BTBD16: variants seen among roughly 807,000 people sequenced by gnomAD.
BTBD16 encodes BTB/POZ domain-containing protein 16.
BTBD16 carries 66 observed loss-of-function variants against 67.4 expected under a neutral mutation model. The ratio of observed to expected loss-of-function variants is 0.98; its 90% CI spans 0.80 to 1.20. The LOEUF (loss-of-function observed/expected upper bound fraction) is 1.20, where lower values mean the gene tolerates loss of function less well. Ranked by LOEUF, BTBD16 falls within the 50% of genes most tolerant of loss-of-function variation. BTBD16 has a pLI of 0.00. For missense variants in BTBD16, 634 were observed against 616.0 expected, an observed-to-expected ratio of 1.03 and a Z score of -0.31; for synonymous variants, 242 against 236.4, an observed-to-expected ratio of 1.02 and a Z score of -0.22.
At chr10:122,335,068 T>A in intron 14 of BTBD16, 89 bp downstream of exon 14, 1 of 659,886 alleles carries the variant, frequency 1.5e-6, no homozygotes, top group Non-Finnish European at 2.6e-6. Flanking sequence ...AATTGATTCA[T>A]CATTAATTAC....
intron 1 of BTBD16, among the ~76,000 whole-genome samples, chr10:122,273,479 C>A (rs1464595161): frequency 1.3e-5 from 2 of 152,142 alleles, no homozygotes; most frequent in Non-Finnish European, 1.5e-5. Flanking sequence ...GTGTCTCATG[C>A]CCATAATCCT....
intron 10 of BTBD16, among the ~76,000 whole-genome samples, chr10:122,313,257 G>GTTTTTT (rs58984425): frequency 7.2e-5 from 10 of 139,136 alleles, no homozygotes; most frequent in Non-Finnish European, 1.1e-4. Flanking sequence ...AGTTAGTGCT[G>GTTTTTT]TTTTTTTTTT....
chr10:122,337,152 T>C (rs981200867), intron 15 of BTBD16, among the ~76,000 whole-genome samples: 1 of 152,190 alleles, frequency 6.6e-6, no homozygotes, highest in Non-Finnish European at 1.5e-5. Flanking sequence ...CTGGCCTGGC[T>C]TCTGACCAGA....
intron 2 of BTBD16, 41 bp from the exon 3 acceptor site, chr10:122,276,750 T>TA (rs2096341351): frequency 1.3e-6 from 2 of 1,595,122 alleles, no homozygotes; most frequent in South Asian, 2.2e-5. Flanking sequence ...TATGTGAAGT[T>TA]AGAAAAAAAG....
chr10:122,288,690 T>G (rs760456361), intron 5 of BTBD16, among the ~76,000 whole-genome samples: 2 of 151,920 alleles, frequency 1.3e-5, no homozygotes, highest in Non-Finnish European at 2.9e-5. Flanking sequence ...GTGGTCAAAT[T>G]AGTCTCTGAA....
chr10:122,328,586 A>C (rs2096449439), intron 10 of BTBD16, among the ~76,000 whole-genome samples: 1 of 152,222 alleles, frequency 6.6e-6, no homozygotes, highest in Non-Finnish European at 1.5e-5. Context: ...CAGCTGGGAC[A>C]GGGTGTGACT....
chr10:122,294,200 G>A (rs2096379052), intron 7 of BTBD16: 1 of 985,354 alleles, frequency 1.0e-6, no homozygotes, highest in Admixed American at 6.1e-5. Flanking sequence ...TGATGGCGCA[G>A]TTGGCAGGGT....
At chr10:122,292,751 G>GTCCAACAGTC (rs1197238037) in intron 7 of BTBD16, among the ~76,000 whole-genome samples, 1 of 152,204 alleles carries the variant, frequency 6.6e-6, no homozygotes, top group Admixed American at 6.5e-5. Context: ...AAAGTCTCCT[G>GTCCAACAGTC]TCCAACAGTC....
Position 122,286,163 on chromosome 10 carries a change from G to A in BTBD16, c.300G>A (p.Gln100=), listed in dbSNP as rs1335225534. The change falls in exon 5 of 16, where the codon CAG becomes CAA. Residue 100 remains glutamine, a synonymous_variant. Coordinates refer to ENST00000260723, the MANE Select transcript of BTBD16 (RefSeq NM_144587.5). The part of the protein sequence containing the change: ...KWELHQPQLF[Q]SETLAKLYLK... ...AGCTCCATCAGCCCCAGCTTTTTCA[G>A]TCTGAGACCTTGGCCAAGCTCTACC... is the stretch of plus-strand genomic sequence containing the variant. 1 of 1,614,030 alleles carries A rather than the reference G, an allele frequency of 6.2e-7. No individual in the cohort carries two copies. Among genetic ancestry groups the A allele is most frequent in the Non-Finnish European group, 8.5e-7 (1 of 1,179,908 alleles).
chr10:122,310,383 C>T lies in BTBD16; in HGVS notation c.911+3075C>T, dbSNP rs1003905310. Among the ~76,000 whole-genome samples the T allele has an allele frequency of 1.1e-4, 17 of 152,282 alleles. 1 individual carries two copies. Among genetic ancestry groups the T allele is most frequent in the East Asian group, 3.9e-4 (2 of 5,154 alleles). ...TCCCCAGGGCTGACCAGCAACAGTGCGGAGGCTTTGTAGCTGCTGGCCTAG... is the reference window on the plus strand; with the variant it reads ...TCCCCAGGGCTGACCAGCAACAGTGTGGAGGCTTTGTAGCTGCTGGCCTAG... On this transcript the variant is annotated intron_variant, in intron 10 of 15. Coordinates refer to ENST00000260723, the MANE Select transcript of BTBD16 (RefSeq NM_144587.5).
At chr10:122,325,662 G>GTA (rs2096443201) in intron 10 of BTBD16, among the ~76,000 whole-genome samples, 1 of 151,872 alleles carries the variant, frequency 6.6e-6, no homozygotes. Context: ...TCCTGGTTTT[G>GTA]TATATATAGA....
chr10:122,309,564 C>T (rs551004740), intron 10 of BTBD16, among the ~76,000 whole-genome samples: 153 of 151,854 alleles, frequency 1.0e-3, no homozygotes, highest in African/African-American at 3.5e-3. Context: ...AGAATGGTCT[C>T]GATCTCTTGA....
At chr10:122,325,587 G>A (rs754778015) in intron 10 of BTBD16, among the ~76,000 whole-genome samples, 6 of 152,140 alleles carry the variant, frequency 3.9e-5, no homozygotes, top group Admixed American at 2.0e-4. Context: ...TTATGATGTG[G>A]GGGTGGCAGC....
intron 13 of BTBD16, among the ~76,000 whole-genome samples, chr10:122,334,257 G>A (rs1369007561): frequency 9.6e-4 from 139 of 144,654 alleles, no homozygotes; most frequent in South Asian, 4.5e-4. Context: ...GTGCAGTGGC[G>A]CAATCTCGGC....
At chr10:122,331,307 TCTGA>T (rs751133201) in intron 12 of BTBD16, 49 bp downstream of exon 12, 1 of 1,601,224 alleles carries the variant, frequency 6.2e-7, no homozygotes, top group South Asian at 1.1e-5. Context: ...TTATTGCCTC[TCTGA>T]CTTTGTTTTT....
intron 10 of BTBD16, among the ~76,000 whole-genome samples, chr10:122,325,035 T>G (rs1042365557): frequency 1.1e-4 from 17 of 152,190 alleles, no homozygotes; most frequent in African/African-American, 3.9e-4. Context: ...AGTGAAAAGC[T>G]GATAGGTCAT....
intron 10 of BTBD16, among the ~76,000 whole-genome samples, chr10:122,321,085 A>G (rs574639772): frequency 6.6e-6 from 1 of 152,266 alleles, no homozygotes; most frequent in East Asian, 1.9e-4. Flanking sequence ...GCTTCCATTT[A>G]TAAGTGAGAA....
intron 11 of BTBD16, among the ~76,000 whole-genome samples, chr10:122,330,717 TG>T (rs1480746054): frequency 6.6e-6 from 1 of 152,296 alleles, no homozygotes; most frequent in East Asian, 1.9e-4. Flanking sequence ...GGTGGTTTTT[TG>T]TGTTGTTTTG....
chr10:122,297,788 C>G lies in BTBD16; in HGVS notation c.611C>G (p.Ala204Gly). 6.2e-7 allele frequency: 1 copy of G among 1,614,148 alleles called. No individual in the cohort carries two copies. Among genetic ancestry groups the G allele is most frequent in the Non-Finnish European group, 8.5e-7 (1 of 1,180,020 alleles). Residue 204 changes from alanine to glycine, a missense_variant, in exon 8 of 16, where the codon GCC becomes GGC. Ala to Gly is a moderately conservative substitution (Grantham distance 60). Transcript: ENST00000260723. The stretch of plus-strand genomic sequence containing the variant: ...TCCAGGTGCGTGGATGTGATGATAG[C>G]CAGACTCAAGCCAAGCACCATCAAG... ...LFQRCVDVMI[A>G]RLKPSTIKKF...
Sources: allele counts gnomAD v4.1 joint callset (sites outside exome capture counted in the v4.1 genomes callset), GRCh38; gene constraint gnomAD v4.1.1; transcripts MANE v1.5; gene names NCBI Gene and HGNC (gene_info 2026-07-23, HGNC 2026-07-21).